Variants in LGR5 observed in about 807,000 individuals in gnomAD.
LGR5 encodes the protein leucine-rich repeat-containing G protein-coupled receptor 5.
Under a neutral mutation model 76.7 loss-of-function variants are expected in LGR5, and 54 were observed. That is an observed-to-expected ratio of 0.70 (90% CI 0.57 to 0.88). LGR5 has a LOEUF of 0.88. LGR5 is among the 40% of genes least tolerant of loss of function. The pLI, the probability that LGR5 is intolerant of heterozygous loss-of-function variation, is 0.00. For missense variants in LGR5, 1,078 were observed against 1,073.3 expected, an observed-to-expected ratio of 1.00 and a Z score of -0.06; for synonymous variants, 406 against 421.9, an observed-to-expected ratio of 0.96 and a Z score of 0.46.
chr12:71,568,405 T>C (rs1218132687), intron 11 of LGR5, among the ~76,000 whole-genome samples: 1 of 152,190 alleles, frequency 6.6e-6, no homozygotes, highest in Non-Finnish European at 1.5e-5. Flanking sequence ...ACTGATTAAA[T>C]GACTACATGT....
At chr12:71,534,399 A>C (rs990439966) in intron 3 of LGR5, among the ~76,000 whole-genome samples, 4 of 152,246 alleles carry the variant, frequency 2.6e-5, no homozygotes, top group Non-Finnish European at 4.4e-5. Context: ...AAAAGAATTT[A>C]GCTTATATCA....
chr12:71,568,037 T>A lies in LGR5; in HGVS notation c.1070+1125T>A, dbSNP rs527705925. On this transcript the variant is annotated intron_variant, in intron 11 of 17. Transcript: ENST00000266674. ...AATTTGGGGGGCCATGTTAGAATTC[T>A]GCCTACCACACCCAGAACAGGTATA... Among the ~76,000 whole-genome samples, 74 of 152,312 alleles carry A rather than the reference T, an allele frequency of 4.9e-4. 1 individual carries two copies. The highest frequency in any genetic ancestry group is 1.0e-4 in the Non-Finnish European group (7 of 68,022).
At position 71,584,380 on chromosome 12, in the gene LGR5, A is replaced by G. The variant is rs1188330178; in HGVS notation, c.2370A>G (p.Leu790=). 2 of 1,614,094 alleles carry G rather than the reference A, an allele frequency of 1.2e-6. No homozygotes were observed. Among genetic ancestry groups the G allele is most frequent in the Non-Finnish European group, 1.7e-6 (2 of 1,179,994 alleles). ...TGGCTTTCTTGTCCTTCTCCTCTTT[A>G]ATAAACCTTACATTTATCAGTCCTG... ...CPVAFLSFSS[L]INLTFISPEV... is the part of the protein sequence containing the mutation. The change falls in exon 18 of 18, where the codon TTA becomes TTG. Residue 790 remains leucine, a synonymous_variant. Transcript: ENST00000266674.
intron 3 of LGR5, among the ~76,000 whole-genome samples, chr12:71,525,464 A>G (rs1280056497): frequency 6.6e-6 from 1 of 151,516 alleles, no homozygotes; most frequent in Non-Finnish European, 1.5e-5. Flanking sequence ...CCAAATCCTA[A>G]TAGTAATTCC....
intron 1 of LGR5, among the ~76,000 whole-genome samples, chr12:71,503,294 T>C (rs1301395155): frequency 6.6e-6 from 1 of 152,206 alleles, no homozygotes; most frequent in Non-Finnish European, 1.5e-5. Context: ...ATTTTTGGAA[T>C]ATGGACAATG....
intron 1 of LGR5, among the ~76,000 whole-genome samples, chr12:71,442,747 G>A (rs1871822274): frequency 6.6e-6 from 1 of 152,198 alleles, no homozygotes; most frequent in South Asian, 2.1e-4. Flanking sequence ...ACGCTGTGCA[G>A]ACATTAAGGG....
chr12:71,584,482 TC>T lies in LGR5; in HGVS notation c.2474del (p.Pro825LeufsTer8). 1 of 1,614,180 alleles carries T rather than the reference TC, an allele frequency of 6.2e-7. No individual in the cohort carries two copies. Among genetic ancestry groups the T allele is most frequent in the South Asian group, 1.1e-5 (1 of 91,088 alleles). Reference protein sequence around the residue: ...LNPLLYILFNPHFKEDLVSLR... With the variant: ...LNPLLYILFNXHFKEDLVSLR... Reference sequence around the variant, plus strand: ...ATCCCCTTCTCTACATCTTGTTCAATCCTCACTTTAAGGAGGATCTGGTGAG... The same window carrying T: ...ATCCCCTTCTCTACATCTTGTTCAATCTCACTTTAAGGAGGATCTGGTGAG... On this transcript the variant is annotated frameshift_variant, in exon 18 of 18. Coordinates refer to ENST00000266674, the MANE Select transcript of LGR5 (RefSeq NM_003667.4). LOFTEE classifies it high-confidence loss of function.
intron 13 of LGR5, among the ~76,000 whole-genome samples, chr12:71,574,425 C>T (rs1167889772): frequency 6.6e-6 from 1 of 151,472 alleles, no homozygotes; most frequent in Non-Finnish European, 1.5e-5. Flanking sequence ...CACATTCAGT[C>T]ACTCACCAAA....
At chr12:71,549,420 A>G (rs1197782210) in intron 4 of LGR5, among the ~76,000 whole-genome samples, 1 of 152,168 alleles carries the variant, frequency 6.6e-6, no homozygotes, top group Non-Finnish European at 1.5e-5. Flanking sequence ...TGTATACTTG[A>G]AAATTGCTAA....
intron 1 of LGR5, chr12:71,448,820 A>G (rs116318608): frequency 2.5e-4 from 38 of 152,332 alleles, no homozygotes; most frequent in African/African-American, 9.1e-4. Context: ...GTCTTCTAGT[A>G]AAGACTGAGA....
intron 2 of LGR5, among the ~76,000 whole-genome samples, chr12:71,524,000 A>G (rs1875853254): frequency 6.6e-6 from 1 of 152,220 alleles, no homozygotes; most frequent in Non-Finnish European, 1.5e-5. Context: ...GTTGCAACAG[A>G]AATATTCTAA....
chr12:71,473,687 G>T (rs1228672231), intron 1 of LGR5, among the ~76,000 whole-genome samples: 5 of 151,616 alleles, frequency 3.3e-5, no homozygotes, highest in African/African-American at 1.2e-4. Context: ...GGATAAATTT[G>T]CAGTGATAAT....
Position 71,584,419 on chromosome 12 carries a change from T to A in LGR5, c.2409T>A (p.Phe803Leu), listed in dbSNP as rs1879232899. 6.2e-7 allele frequency: 1 copy of A among 1,613,958 alleles called. No individual in the cohort carries two copies. Among genetic ancestry groups the A allele is most frequent in the Non-Finnish European group, 8.5e-7 (1 of 1,179,902 alleles). ...TTATCAGTCCTGAAGTAATTAAGTT[T>A]ATCCTTCTGGTGGTAGTCCCACTTC... ...LTFISPEVIK[F>L]ILLVVVPLPA... Residue 803 changes from phenylalanine to leucine, a missense_variant, in exon 18 of 18, where the codon TTT (phenylalanine) becomes TTA (leucine). Phe to Leu is a conservative substitution (Grantham distance 22). Coordinates refer to ENST00000266674, the MANE Select transcript of LGR5 (RefSeq NM_003667.4).
At chr12:71,523,954 C>T (rs1875851013) in intron 2 of LGR5, among the ~76,000 whole-genome samples, 1 of 152,048 alleles carries the variant, frequency 6.6e-6, no homozygotes, top group Non-Finnish European at 1.5e-5. Flanking sequence ...TCTTATTTGA[C>T]AAATTTAGTA....
At chr12:71,461,656 A>T (rs1476430222) in intron 1 of LGR5, among the ~76,000 whole-genome samples, 1 of 151,828 alleles carries the variant, frequency 6.6e-6, no homozygotes, top group East Asian at 1.9e-4. Flanking sequence ...TCCCCTCTCT[A>T]CCAACATTCT....
intron 1 of LGR5, among the ~76,000 whole-genome samples, chr12:71,478,667 T>C (rs941177665): frequency 2.0e-5 from 3 of 152,236 alleles, no homozygotes; most frequent in Non-Finnish European, 4.4e-5. Flanking sequence ...ATTTTTCCAA[T>C]GCACATCAGT....
chr12:71,474,488 G>A (rs1303520747), intron 1 of LGR5, among the ~76,000 whole-genome samples: 1 of 152,196 alleles, frequency 6.6e-6, no homozygotes, highest in African/African-American at 2.4e-5. Flanking sequence ...ATAAGCTTCA[G>A]TTTAGGTGGG....
intron 1 of LGR5, among the ~76,000 whole-genome samples, chr12:71,481,808 G>T (rs745702380): frequency 1.4e-4 from 21 of 152,192 alleles, no homozygotes; most frequent in Non-Finnish European, 2.2e-4. Context: ...ACTTTTAGAA[G>T]ATTTTTTTTT....
intron 4 of LGR5, among the ~76,000 whole-genome samples, chr12:71,540,562 T>C (rs1031823950): frequency 3.3e-5 from 5 of 152,146 alleles, no homozygotes; most frequent in Admixed American, 6.5e-5. Flanking sequence ...CTGGACTCTA[T>C]AAAATGTCAA....
Sources: gnomAD v4.1 joint callset for allele counts (sites outside exome capture counted in the v4.1 genomes callset) on GRCh38, gnomAD v4.1.1 for gene constraint, MANE v1.5 for transcripts, NCBI Gene and HGNC (gene_info 2026-07-23, HGNC 2026-07-21) for gene names.